The following DESI2 variants were observed in gnomAD, a reference collection of about 807,000 sequenced individuals.
DESI2 encodes the protein desumoylating isopeptidase 2.
A neutral mutation model predicts 24.1 loss-of-function variants in DESI2; 10 were observed. The ratio of observed to expected loss-of-function variants is 0.41; its 90% CI spans 0.26 to 0.70. DESI2 has a LOEUF of 0.70. Among genes scored for constraint, DESI2 ranks in the 30% least tolerant of loss-of-function variants. DESI2 has a pLI of 0.29. For synonymous variants in DESI2, 71 were observed against 87.7 expected (o/e 0.81, Z 1.06); for missense variants, 122 against 234.9 (o/e 0.52, Z 3.14).
intron 1 of DESI2, among the ~76,000 whole-genome samples, chr1:244,664,525 G>A (rs77043165): frequency 0.015 from 2,214 of 152,294 alleles, 58 homozygotes; most frequent in African/African-American, 0.051. Context: ...GTGGGTGGTA[G>A]TGGGACCTTA....
At chr1:244,661,914 G>T (rs1421323108) in intron 1 of DESI2, among the ~76,000 whole-genome samples, 1 of 152,110 alleles carries the variant, frequency 6.6e-6, no homozygotes, top group Non-Finnish European at 1.5e-5. Flanking sequence ...TAATCCTTTG[G>T]GTACATACCC....
chr1:244,686,033 T>A (rs1447387581), intron 1 of DESI2, among the ~76,000 whole-genome samples: 1 of 152,248 alleles, frequency 6.6e-6, no homozygotes, highest in African/African-American at 2.4e-5. Context: ...AGGTTTTTAT[T>A]CATGCTAATG....
intron 4 of DESI2, among the ~76,000 whole-genome samples, chr1:244,704,751 C>T (rs779510003): frequency 6.6e-6 from 1 of 152,294 alleles, no homozygotes; most frequent in African/African-American, 2.4e-5. Flanking sequence ...CTCCGCCTCC[C>T]GGGTTCAGGT....
intron 4 of DESI2, among the ~76,000 whole-genome samples, chr1:244,701,235 G>A (rs796437977): frequency 1.8e-3 from 23 of 12,928 alleles, no homozygotes; most frequent in African/African-American, 6.0e-3. Flanking sequence ...CCCCCCCCCC[G>A]CCCTTTTAAC....
Position 244,663,949 on chromosome 1 carries a change from C to G in DESI2, c.42+10594C>G, listed in dbSNP as rs550330039. On this transcript the variant is annotated intron_variant, in intron 1 of 4. Transcript: ENST00000302550. Reference sequence around the variant, plus strand: ...AGGAGAATGGCGTGAACCTGGGAGGCGGAGGTTGCAGTGAGCCGAGATTGC... The same window carrying G: ...AGGAGAATGGCGTGAACCTGGGAGGGGGAGGTTGCAGTGAGCCGAGATTGC... 9.7e-5 allele frequency among the ~76,000 whole-genome samples: 13 copies of G among 133,566 alleles called. No individual in the cohort carries two copies. In the East Asian group the frequency reaches 1.2e-3, roughly 13 times the overall value. The allele number at this position is 133,566 out of a possible 152,430, so 87.6% of individuals were successfully genotyped here. A position where few individuals can be genotyped will look rare whatever the true frequency, so the allele number is the denominator to read the frequency against.
intron 1 of DESI2, among the ~76,000 whole-genome samples, chr1:244,674,786 C>T (rs1436268869): frequency 1.3e-5 from 2 of 152,120 alleles, no homozygotes; most frequent in African/African-American, 4.8e-5. Flanking sequence ...GTTGTTTCTA[C>T]TTTTTGGCTA....
intron 1 of DESI2, chr1:244,654,106 A>G (rs1208507801): frequency 4.4e-6 from 2 of 453,770 alleles, no homozygotes; most frequent in Admixed American, 2.5e-5. Flanking sequence ...GAGTATGGCA[A>G]GCACGCAGAA....
chr1:244,660,173 G>A (rs912422589), intron 1 of DESI2, among the ~76,000 whole-genome samples: 2 of 151,756 alleles, frequency 1.3e-5, no homozygotes, highest in Non-Finnish European at 2.9e-5. Context: ...TTGTTGTTTT[G>A]TTGTTGTTGT....
Position 244,706,272 on chromosome 1 carries a change from T to G in DESI2, c.*483T>G, listed in dbSNP as rs758682704. 34 of 165,998 alleles carry G rather than the reference T, an allele frequency of 2.0e-4. No homozygotes were observed. Among genetic ancestry groups the G allele is most frequent in the Non-Finnish European group, 3.5e-4 (27 of 76,206 alleles). The allele number at this position is 165,998 out of a possible 1,614,324, so 10.3% of individuals were successfully genotyped here. ...TCAGAATGGTCTTTTAGATTTGTGT[T>G]TGTTTTGTTAAAGTTGTTGGCACCA... On this transcript the variant is annotated 3_prime_UTR_variant, in exon 5 of 5. Transcript: ENST00000302550.
Position 244,708,967 on chromosome 1 carries a change from T to G in DESI2, c.*3178T>G, listed in dbSNP as rs890256802. 8 of 152,572 alleles carry G rather than the reference T, an allele frequency of 5.2e-5. No individual in the cohort carries two copies. The highest frequency in any genetic ancestry group is 1.9e-4 in the African/African-American group (8 of 41,472). The allele number at this position is 152,572 out of a possible 1,614,324, so 9.5% of individuals were successfully genotyped here. A position where few individuals can be genotyped will look rare whatever the true frequency, so the allele number is the denominator to read the frequency against. ...AATCTTCACTTTTGCTACCTTGATA[T>G]AGCATTGGGCTATCATGTTACAACA... On this transcript the variant is annotated 3_prime_UTR_variant, in exon 5 of 5. Coordinates refer to ENST00000302550, the MANE Select transcript of DESI2 (RefSeq NM_016076.5).
intron 4 of DESI2, chr1:244,694,379 A>AT (rs201232139): frequency 7.4e-3 from 3,993 of 536,036 alleles, no homozygotes; most frequent in Middle Eastern, 0.011. Flanking sequence ...TATTCATAAA[A>AT]TTTTTTTTTT....
intron 1 of DESI2, chr1:244,656,557 A>T (rs894843699): frequency 3.9e-5 from 6 of 152,188 alleles, no homozygotes; most frequent in Admixed American, 1.3e-4. Context: ...TTGTTCACGT[A>T]TTCCTAATTG....
chr1:244,683,420 T>A (rs1209252642), intron 1 of DESI2, among the ~76,000 whole-genome samples: 2 of 151,670 alleles, frequency 1.3e-5, no homozygotes, highest in Non-Finnish European at 2.9e-5. Flanking sequence ...CATGCCATTC[T>A]CCTGCCTCAG....
rs138302582 is a variant in DESI2, at chr1:244,688,060, G to A, written c.116-1189G>A. ...CCCAAATGTTCTTGTATGCTAGTCCGTGGCTCTATTATCTCCCTAATCATT... is the reference window on the plus strand; with the variant it reads ...CCCAAATGTTCTTGTATGCTAGTCCATGGCTCTATTATCTCCCTAATCATT... On this transcript the variant is annotated intron_variant, in intron 2 of 4. Transcript: ENST00000302550. Among the ~76,000 whole-genome samples, 116 of 152,258 alleles carry A rather than the reference G, an allele frequency of 7.6e-4. 1 individual carries two copies. The East Asian group carries it at 0.013, about 18-fold the overall frequency.
chr1:244,692,064 CTATCCCACTATACTTGA>C (rs750726311), intron 4 of DESI2, 44 bp downstream of exon 4: 10 of 1,487,132 alleles, frequency 6.7e-6, no homozygotes, highest in Non-Finnish European at 9.2e-6. Context: ...TAAATATTTG[CTATCCCACTATACTTGA>C]TATCCCACTA....
intron 1 of DESI2, among the ~76,000 whole-genome samples, chr1:244,671,045 T>C (rs1403017582): frequency 6.6e-6 from 1 of 152,202 alleles, no homozygotes; most frequent in African/African-American, 2.4e-5. Flanking sequence ...CCAAATGATA[T>C]CTTCGGTACA....
chr1:244,679,913 A>G (rs953930811), intron 1 of DESI2, among the ~76,000 whole-genome samples: 2 of 148,800 alleles, frequency 1.3e-5, no homozygotes, highest in Non-Finnish European at 3.0e-5. Context: ...CTACCTAACC[A>G]TAGTGCTGTT....
At chr1:244,671,319 G>C (rs1411622622) in intron 1 of DESI2, among the ~76,000 whole-genome samples, 1 of 152,164 alleles carries the variant, frequency 6.6e-6, no homozygotes, top group African/African-American at 2.4e-5. Flanking sequence ...AGTAGATGTG[G>C]TTCGAATGTT....
intron 1 of DESI2, among the ~76,000 whole-genome samples, chr1:244,680,995 T>G (rs1477009364): frequency 6.6e-6 from 1 of 152,020 alleles, no homozygotes; most frequent in Non-Finnish European, 1.5e-5. Context: ...GAGATAGTCT[T>G]TTTATTCAAT....
Sources: gnomAD v4.1 joint callset for allele counts (sites outside exome capture counted in the v4.1 genomes callset) on GRCh38, gnomAD v4.1.1 for gene constraint, MANE v1.5 for transcripts, NCBI Gene and HGNC (gene_info 2026-07-23, HGNC 2026-07-21) for gene names.